Variants in FTO observed in about 807,000 individuals in gnomAD.
FTO encodes the protein FTO alpha-ketoglutarate dependent dioxygenase, also known as alpha-ketoglutarate-dependent dioxygenase FTO.
In FTO, 47 loss-of-function variants were observed where a neutral mutation model predicts 63.9. That is an observed-to-expected ratio of 0.74 (90% CI 0.58 to 0.94). FTO has a LOEUF of 0.94. Ranked by LOEUF, FTO falls within the 40% of genes least tolerant of loss-of-function variation. The probability of loss-of-function intolerance (pLI) is 0.00; values close to 1 mark genes in which losing one functional copy is unlikely to be tolerated. For synonymous variants in FTO, 207 were observed against 224.4 expected (o/e 0.92, Z 0.69); for missense variants, 562 against 618.1 (o/e 0.91, Z 0.96).
chr16:53,729,542 G>C (rs1180821224), intron 1 of FTO, among the ~76,000 whole-genome samples: 1 of 151,660 alleles, frequency 6.6e-6, no homozygotes, highest in African/African-American at 2.4e-5. Flanking sequence ...TCACTCCACT[G>C]TTCACAATTT....
chr16:53,992,887 G>A (rs1366388395), intron 8 of FTO: 7 of 152,134 alleles, frequency 4.6e-5, no homozygotes, highest in African/African-American at 1.2e-4. Flanking sequence ...TACTCCATAA[G>A]GAAGGACACA....
chr16:54,004,827 T>G (rs1193727834), intron 8 of FTO, among the ~76,000 whole-genome samples: 2 of 151,970 alleles, frequency 1.3e-5, no homozygotes, highest in African/African-American at 4.8e-5. Flanking sequence ...TCCCAGTACT[T>G]TGGGAGGCTG....
chr16:54,082,603 C>T (rs192699236), intron 8 of FTO, among the ~76,000 whole-genome samples: 1 of 152,308 alleles, frequency 6.6e-6, no homozygotes, highest in Non-Finnish European at 1.5e-5. Flanking sequence ...TCAGGGTTTG[C>T]TGATAGCCTA....
At chr16:53,966,640 C>T (rs1313525959) in intron 8 of FTO, among the ~76,000 whole-genome samples, 3 of 152,158 alleles carry the variant, frequency 2.0e-5, no homozygotes, top group Non-Finnish European at 2.9e-5. Context: ...CCAAAGCTCC[C>T]TTTTAAAGTA....
At chr16:53,833,018 A>G (rs895795391) in intron 3 of FTO, among the ~76,000 whole-genome samples, 2 of 152,184 alleles carry the variant, frequency 1.3e-5, no homozygotes, top group African/African-American at 4.8e-5. Context: ...TGTATCTCCC[A>G]GAATTCGCAC....
In FTO at chr16:53,831,289, T is replaced by A. The variant is rs1260489468; in HGVS notation, c.751+4798T>A. Among the ~76,000 whole-genome samples, 3 of 152,236 alleles carry A rather than the reference T, an allele frequency of 2.0e-5. No homozygotes were observed. The East Asian group carries it at 5.8e-4, about 29-fold the overall frequency. ...AAGCTTATTTGACCTAGCTTTTTTT[T>A]ATTGTATCATGCTATGCCTTGTCAG... On this transcript the variant is annotated intron_variant, in intron 3 of 8. Coordinates refer to ENST00000471389, the MANE Select transcript of FTO (RefSeq NM_001080432.3).
rs780601119 is a variant in FTO, at chr16:53,826,407, A to G, written c.667A>G (p.Met223Val). ...PYLKEEPYFG[M>V]GKMAVSWHHD... Reference sequence around the variant, plus strand: ...CCTGAAAGAGGAACCTTATTTTGGCATGGGGAAAATGGCAGTGAGCTGGCA... The same window carrying G: ...CCTGAAAGAGGAACCTTATTTTGGCGTGGGGAAAATGGCAGTGAGCTGGCA... The change falls in exon 3 of 9, where the codon ATG becomes GTG. Residue 223 changes from methionine to valine, a missense_variant. Met to Val is a conservative substitution (Grantham distance 21). Transcript: ENST00000471389. 59 of 1,614,062 alleles carry G rather than the reference A, an allele frequency of 3.7e-5. No individual in the cohort carries two copies. Among genetic ancestry groups the G allele is most frequent in the Non-Finnish European group, 5.0e-5 (59 of 1,180,030 alleles).
Position 53,998,111 on chromosome 16 carries a change from A to T in FTO, c.1364+64002A>T, listed in dbSNP as rs2143968012. On this transcript the variant is annotated intron_variant, in intron 8 of 8. Transcript: ENST00000471389. ...TTGATGTAGACCGCTCTTTCAGAAA[A>T]CTTGACCGAGAAGGGAAGTACGCTT... is the stretch of plus-strand genomic sequence containing the variant. Among the ~76,000 whole-genome samples the T allele has an allele frequency of 1.3e-5, 2 of 152,264 alleles. 1 individual carries two copies. The highest frequency in any genetic ancestry group is 4.2e-4 in the South Asian group (2 of 4,816).
chr16:54,086,292 C>G (rs1458284458), intron 8 of FTO, among the ~76,000 whole-genome samples: 1 of 152,162 alleles, frequency 6.6e-6, no homozygotes, highest in Non-Finnish European at 1.5e-5. Flanking sequence ...CAGAAAAACA[C>G]AAGATTGCCC....
chr16:53,855,583 C>G (rs1032948136), intron 4 of FTO, among the ~76,000 whole-genome samples: 1 of 151,746 alleles, frequency 6.6e-6, no homozygotes, highest in Non-Finnish European at 1.5e-5. Flanking sequence ...CTTGGTTATA[C>G]AAGCAAAAGG....
intron 8 of FTO, among the ~76,000 whole-genome samples, chr16:53,994,702 T>A (rs1418550143): frequency 6.6e-6 from 1 of 151,922 alleles, no homozygotes; most frequent in East Asian, 1.9e-4. Flanking sequence ...TCTCCAAAAT[T>A]GTGCCCTTCC....
intron 1 of FTO, among the ~76,000 whole-genome samples, chr16:53,751,739 C>G (rs1295198838): frequency 6.6e-6 from 1 of 152,086 alleles, no homozygotes; most frequent in Non-Finnish European, 1.5e-5. Flanking sequence ...TTGAACAACT[C>G]TGTGGATATA....
chr16:54,098,988 C>T (rs718388), intron 8 of FTO, among the ~76,000 whole-genome samples: 27,856 of 152,066 alleles, frequency 0.18, 2,657 homozygotes, highest in African/African-American at 0.21. Context: ...TTGAGACTGT[C>T]CCATGCAAAC....
intron 1 of FTO, among the ~76,000 whole-genome samples, chr16:53,741,213 C>T (rs896334630): frequency 1.3e-5 from 2 of 152,192 alleles, no homozygotes; most frequent in Non-Finnish European, 2.9e-5. Flanking sequence ...CCTTCAAAGC[C>T]TGACGTGTTC....
intron 7 of FTO, among the ~76,000 whole-genome samples, chr16:53,913,751 G>A (rs1055760916): frequency 6.6e-6 from 1 of 152,084 alleles, no homozygotes; most frequent in Non-Finnish European, 1.5e-5. Context: ...GTCTGAGGTG[G>A]GTGGATCACC....
chr16:53,860,615 G>A (rs949504251), intron 4 of FTO, among the ~76,000 whole-genome samples: 2 of 152,024 alleles, frequency 1.3e-5, no homozygotes, highest in African/African-American at 2.4e-5. Flanking sequence ...AGAGAGTGAG[G>A]GGGGATGTGC....
chr16:54,076,906 C>A (rs899362703), intron 8 of FTO, among the ~76,000 whole-genome samples: 5 of 152,126 alleles, frequency 3.3e-5, no homozygotes, highest in African/African-American at 1.2e-4. Context: ...GAGGCATAAC[C>A]ACCACTCTTT....
At chr16:53,984,029 C>T (rs2083607292) in intron 8 of FTO, among the ~76,000 whole-genome samples, 1 of 152,168 alleles carries the variant, frequency 6.6e-6, no homozygotes, top group Non-Finnish European at 1.5e-5. Context: ...GTGGCCATAC[C>T]TTCTCATTCT....
At chr16:54,052,275 C>CT (rs1449784176) in intron 8 of FTO, among the ~76,000 whole-genome samples, 1 of 151,998 alleles carries the variant, frequency 6.6e-6, no homozygotes, top group Admixed American at 6.6e-5. Context: ...GACATCTTGA[C>CT]TTTTTTTTAA....
Sources: gnomAD v4.1 joint callset for allele counts (sites outside exome capture counted in the v4.1 genomes callset) on GRCh38, gnomAD v4.1.1 for gene constraint, MANE v1.5 for transcripts, NCBI Gene and HGNC (gene_info 2026-07-23, HGNC 2026-07-21) for gene names.